The following RGS22 variants were observed in gnomAD, a reference collection of about 807,000 sequenced individuals.
RGS22 encodes regulator of G-protein signaling 22.
A neutral mutation model predicts 172.9 loss-of-function variants in RGS22; 148 were observed. The observed-to-expected ratio is 0.86, with a 90% CI of 0.75 to 0.98. The LOEUF (loss-of-function observed/expected upper bound fraction) is 0.98. Ranked by LOEUF, RGS22 falls within the 50% of genes least tolerant of loss-of-function variation. The pLI is 0.00. For missense variants in RGS22, 1,347 were observed against 1,440.8 expected, an observed-to-expected ratio of 0.93 and a Z score of 1.05; for synonymous variants, 458 against 480.2, an observed-to-expected ratio of 0.95 and a Z score of 0.60.
At chr8:100,082,372 C>A (rs989959181) in intron 3 of RGS22, among the ~76,000 whole-genome samples, 4 of 152,156 alleles carry the variant, frequency 2.6e-5, no homozygotes, top group African/African-American at 9.7e-5. Flanking sequence ...CTTCACCCTC[C>A]CTCCACTCTC....
At chr8:99,999,173 A>AAT in intron 19 of RGS22, 89 bp downstream of exon 19, 3 of 1,131,552 alleles carry the variant, frequency 2.7e-6, no homozygotes, top group Non-Finnish European at 3.6e-6. Context: ...AAAAAAAAAA[A>AAT]GGACAATGGC....
intron 1 of RGS22, chr8:100,105,643 T>A: frequency 1.7e-6 from 1 of 584,230 alleles, no homozygotes; most frequent in East Asian, 3.0e-5. Context: ...GGAGTTACCC[T>A]TCTTCATAGA....
intron 3 of RGS22, among the ~76,000 whole-genome samples, chr8:100,084,888 G>A (rs572170633): frequency 5.9e-5 from 9 of 152,224 alleles, no homozygotes; most frequent in East Asian, 5.8e-4. Context: ...ACAAAATACC[G>A]AAATAAATTA....
At chr8:100,096,245 C>A (rs1202889618) in intron 2 of RGS22, among the ~76,000 whole-genome samples, 3 of 152,154 alleles carry the variant, frequency 2.0e-5, no homozygotes, top group African/African-American at 7.2e-5. Flanking sequence ...TTAACATCTT[C>A]CAAATAATCA....
In RGS22 at chr8:99,996,600, T is replaced by G. The variant is rs1814417482; in HGVS notation, c.2950-70A>C. ...GGCTTGAAATCATTTACTAATTAAG[T>G]AGCTAAAAAAATGAGATAAAGGTTA... On this transcript the variant is annotated intron_variant, in intron 19 of 27. Coordinates refer to ENST00000360863, the MANE Select transcript of RGS22 (RefSeq NM_015668.5). 3.2e-6 allele frequency: 4 copies of G among 1,249,992 alleles called. No individual in the cohort carries two copies. In the East Asian group the frequency reaches 9.4e-5, roughly 29 times the overall value. 77.4% of individuals were successfully genotyped at this position (1,249,992 alleles called of 1,614,324 possible). A position where few individuals can be genotyped will look rare whatever the true frequency, so the allele number is the denominator to read the frequency against.
chr8:100,008,103 T>A lies in RGS22; in HGVS notation c.2361+272A>T, dbSNP rs542122033. Among the ~76,000 whole-genome samples the A allele has an allele frequency of 2.0e-5, 3 of 151,978 alleles. No individual in the cohort carries two copies. In the South Asian group the frequency reaches 6.2e-4, roughly 32 times the overall value. On this transcript the variant is annotated intron_variant, in intron 15 of 27. Transcript: ENST00000360863. ...TCCAGGCTGGAGTGCAATGGTGCGA[T>A]CTTGGCTCACTGCAACCTCTACCTC...
chr8:99,965,406 T>C lies in RGS22; in HGVS notation c.3544A>G (p.Thr1182Ala), dbSNP rs774990671. 2 of 1,612,406 alleles carry C rather than the reference T, an allele frequency of 1.2e-6. No individual in the cohort carries two copies. Among genetic ancestry groups the C allele is most frequent in the Non-Finnish European group, 1.7e-6 (2 of 1,178,766 alleles). ...GKDGIKQYAN[T>A]SVPAIKTALL... ...GCAGTTTTGATAGCAGGCACTGAAG[T>C]ATTTGCATATTGTTTGATTCCATCC... The change falls in exon 24 of 28, where the codon ACT (threonine) becomes GCT (alanine). Residue 1182 changes from threonine (T) to alanine (A), a missense_variant. Physicochemically the swap from Thr to Ala is moderately conservative, Grantham distance 58 (BLOSUM62 0). Coordinates refer to ENST00000360863, the MANE Select transcript of RGS22 (RefSeq NM_015668.5).
rs568341222 is a variant in RGS22, at chr8:100,042,899, T to C, written c.1824-983A>G. On this transcript the variant is annotated intron_variant, in intron 11 of 27. Transcript: ENST00000360863. ...CAGTTGTGACTAATGAGATACAAAA[T>C]GAAATGTGCTAGGGAGCTTCTGAGG... 3.3e-5 allele frequency: 5 copies of C among 152,178 alleles called. No individual in the cohort carries two copies. The South Asian group carries it at 6.2e-4, about 19-fold the overall frequency. 9.4% of individuals were successfully genotyped at this position (152,178 alleles called of 1,614,324 possible).
intron 9 of RGS22, among the ~76,000 whole-genome samples, chr8:100,053,342 A>T: frequency 6.6e-6 from 1 of 151,734 alleles, no homozygotes; most frequent in East Asian, 2.0e-4. Context: ...GATTTGCTTG[A>T]ACCCAGAAGG....
chr8:100,040,120 CA>C lies in RGS22; in HGVS notation c.1939-34del. On this transcript the variant is annotated intron_variant, in intron 12 of 27. Coordinates refer to ENST00000360863, the MANE Select transcript of RGS22 (RefSeq NM_015668.5). ...ACAAAACAGAAGTCTATTATCCACC[CA>C]AAAACATTGTAATTTTTTTATGGCA... 1.9e-6 allele frequency: 3 copies of C among 1,585,144 alleles called. No homozygotes were observed. The Admixed American group carries it at 5.6e-5, about 30-fold the overall frequency.
intron 9 of RGS22, among the ~76,000 whole-genome samples, chr8:100,060,402 G>GTGTATATATATATATATATATATATATA (rs1193942289): frequency 2.9e-5 from 3 of 102,932 alleles, no homozygotes; most frequent in South Asian, 3.2e-4. Flanking sequence ...TTAGCTACGT[G>GTGTATATATATATATATATATATATATA]TATATATATA....
chr8:100,078,265 G>A (rs184278573), intron 4 of RGS22, among the ~76,000 whole-genome samples: 2 of 151,638 alleles, frequency 1.3e-5, no homozygotes, highest in African/African-American at 4.8e-5. Flanking sequence ...TAGAAATGAG[G>A]CCTCACTCTG....
chr8:100,008,352 T>C, intron 15 of RGS22, 23 bp downstream of exon 15: 2 of 1,594,788 alleles, frequency 1.3e-6, no homozygotes, highest in Non-Finnish European at 1.7e-6. Flanking sequence ...GGTTTCACAC[T>C]CAATTTATCG....
At chr8:100,032,405 C>T (rs991347436) in intron 14 of RGS22, among the ~76,000 whole-genome samples, 1 of 151,968 alleles carries the variant, frequency 6.6e-6, no homozygotes, top group African/African-American at 2.4e-5. Context: ...CAACAAAGAT[C>T]AAAAGAGACA....
In RGS22 at chr8:100,052,948, C is replaced by G; in HGVS notation, c.1543G>C (p.Ala515Pro). 1 of 1,613,900 alleles carries G rather than the reference C, an allele frequency of 6.2e-7. No individual in the cohort carries two copies. The highest frequency in any genetic ancestry group is 1.1e-5 in the South Asian group (1 of 91,050). ...TCAGCACTAGCATATTTTGTTGAGG[C>G]TGAATGAGTAACACAGAATCTTGGT... ...WAPRFCVTHS[A>P]STKYASAELK... The change falls in exon 10 of 28, where the codon GCC (alanine) becomes CCC (proline). Residue 515 changes from alanine to proline, a missense_variant. Transcript: ENST00000360863.
At position 100,096,708 on chromosome 8, in the gene RGS22, T is replaced by C. The variant is rs1193378197; in HGVS notation, c.55-3199A>G. Among the ~76,000 whole-genome samples, 7 of 146,456 alleles carry C rather than the reference T, an allele frequency of 4.8e-5. 1 individual carries two copies. The East Asian group carries it at 8.0e-4, about 17-fold the overall frequency. On this transcript the variant is annotated intron_variant, in intron 2 of 27. Coordinates refer to ENST00000360863, the MANE Select transcript of RGS22 (RefSeq NM_015668.5). The stretch of plus-strand genomic sequence containing the variant: ...TTTTTTGGTACAGACAGGGTCTCAC[T>C]ATATTGCCTATGCTGGTCTTGAACT...
At chr8:100,048,287 A>G (rs1820941199) in intron 10 of RGS22, among the ~76,000 whole-genome samples, 1 of 152,204 alleles carries the variant, frequency 6.6e-6, no homozygotes, top group Non-Finnish European at 1.5e-5. Context: ...TCCTTATGAT[A>G]AAAGAGATAA....
chr8:100,032,181 T>G (rs1410995012), intron 14 of RGS22, among the ~76,000 whole-genome samples: 1 of 152,138 alleles, frequency 6.6e-6, no homozygotes, highest in Non-Finnish European at 1.5e-5. Flanking sequence ...TAACCTTAAA[T>G]GTAAATGGGC....
intron 3 of RGS22, among the ~76,000 whole-genome samples, chr8:100,083,821 ATTTCT>A (rs1243960248): frequency 1.4e-5 from 2 of 141,262 alleles, no homozygotes; most frequent in Non-Finnish European, 3.1e-5. Flanking sequence ...TGACCGCGTA[ATTTCT>A]TTTCTTTTTT....
Sources: gnomAD v4.1 joint callset for allele counts (sites outside exome capture counted in the v4.1 genomes callset) on GRCh38, gnomAD v4.1.1 for gene constraint, MANE v1.5 for transcripts, NCBI Gene and HGNC (gene_info 2026-07-23, HGNC 2026-07-21) for gene names.